Variants in CHLSN observed in about 807,000 individuals in gnomAD.
The protein encoded by CHLSN is protein cholesin.
chr7:1,136,411 C>CAT, the CHLSN span, among the ~76,000 whole-genome samples: 10 of 31,000 alleles, frequency 3.2e-4, no homozygotes, highest in Non-Finnish European at 1.2e-4. Flanking sequence ...TATATATAAA[C>CAT]ATATATATAA....
the CHLSN span, among the ~76,000 whole-genome samples, chr7:1,035,045 T>C: frequency 6.6e-6 from 1 of 152,274 alleles, no homozygotes; most frequent in Non-Finnish European, 1.5e-5. Context: ...AATCTGCCAT[T>C]GGTGGCATTT....
chr7:1,016,707 GC>G, the CHLSN span, among the ~76,000 whole-genome samples: 2 of 45,208 alleles, frequency 4.4e-5, no homozygotes, highest in Admixed American at 2.4e-4. Context: ...GCCAGCACAC[GC>G]CAGCGCACAG....
chr7:1,107,683 G>A, the CHLSN span, among the ~76,000 whole-genome samples: 1 of 152,248 alleles, frequency 6.6e-6, no homozygotes, highest in South Asian at 2.1e-4. Context: ...CGTACAGTCT[G>A]CAAGTTCTTC....
At chr7:1,075,668 A>G in the CHLSN span, among the ~76,000 whole-genome samples, 2 of 145,506 alleles carry the variant, frequency 1.4e-5, no homozygotes, top group African/African-American at 2.6e-5. Context: ...GCTGGAGTGC[A>G]GTGGCGCAAT....
At chr7:1,062,094 C>A in the CHLSN span, among the ~76,000 whole-genome samples, 1 of 152,232 alleles carries the variant, frequency 6.6e-6, no homozygotes, top group African/African-American at 2.4e-5. Flanking sequence ...TTGCTACCAA[C>A]ACTTCTTGAC....
chr7:1,022,977 A>G, the CHLSN span: 1 of 472,334 alleles, frequency 2.1e-6, no homozygotes. Flanking sequence ...CGAGGCGCTC[A>G]CAGGCAGGCA....
the CHLSN span, among the ~76,000 whole-genome samples, chr7:1,036,023 C>T: frequency 7.2e-5 from 11 of 152,146 alleles, no homozygotes; most frequent in Admixed American, 2.6e-4. Context: ...AAAGGCTGCA[C>T]GCTGTGGGGT....
the CHLSN span, chr7:1,092,016 G>A: frequency 2.5e-6 from 4 of 1,614,014 alleles, no homozygotes; most frequent in South Asian, 4.4e-5. Context: ...TCCCCGACCT[G>A]TACTTCATCA....
the CHLSN span, among the ~76,000 whole-genome samples, chr7:1,085,794 C>T: frequency 6.6e-6 from 1 of 151,510 alleles, no homozygotes; most frequent in Non-Finnish European, 1.5e-5. Context: ...GATCAGGCCA[C>T]TGCACACTGG....
chr7:1,113,945 C>G, the CHLSN span, among the ~76,000 whole-genome samples: 1 of 152,214 alleles, frequency 6.6e-6, no homozygotes, highest in Non-Finnish European at 1.5e-5. Context: ...GGCCCGAGCT[C>G]AGAAAGAAGT....
the CHLSN span, chr7:984,317 TC>T: frequency 3.7e-5 from 55 of 1,467,234 alleles, no homozygotes; most frequent in Non-Finnish European, 4.8e-5. Flanking sequence ...TTTCCCTCTG[TC>T]CCCACCCCTA....
At chr7:1,054,119 A>G in the CHLSN span, among the ~76,000 whole-genome samples, 1 of 152,218 alleles carries the variant, frequency 6.6e-6, no homozygotes, top group Non-Finnish European at 1.5e-5. Context: ...AACGTCCCCC[A>G]GAGCCCACGG....
At chr7:1,050,434 AGGATCCT>A in the CHLSN span, among the ~76,000 whole-genome samples, 1 of 152,236 alleles carries the variant, frequency 6.6e-6, no homozygotes, top group Non-Finnish European at 1.5e-5. Context: ...AAGCCAACCA[AGGATCCT>A]GTCCCATCGG....
the CHLSN span, among the ~76,000 whole-genome samples, chr7:1,014,485 G>T: frequency 6.6e-6 from 1 of 152,240 alleles, no homozygotes; most frequent in African/African-American, 2.4e-5. Context: ...GCTCCCCAGC[G>T]TGAGGCTTCG....
the CHLSN span, among the ~76,000 whole-genome samples, chr7:1,016,889 C>CCAGCGTACAG: frequency 3.4e-5 from 3 of 89,484 alleles, no homozygotes; most frequent in Non-Finnish European, 2.2e-5. Context: ...GCAGCACACA[C>CCAGCGTACAG]CAGCGCACAG....
the CHLSN span, chr7:1,092,671 T>G: frequency 2.5e-6 from 4 of 1,613,094 alleles, no homozygotes; most frequent in Non-Finnish European, 3.4e-6. Flanking sequence ...CGCCGCCTTC[T>G]CCAACAGCTG....
the CHLSN span, among the ~76,000 whole-genome samples, chr7:1,101,295 G>C: frequency 6.6e-6 from 1 of 152,240 alleles, no homozygotes; most frequent in South Asian, 2.1e-4. Flanking sequence ...CAGAACAAAC[G>C]CCCTGGACGC....
chr7:1,095,427 G>A, the CHLSN span, among the ~76,000 whole-genome samples: 1 of 152,094 alleles, frequency 6.6e-6, no homozygotes, highest in Non-Finnish European at 1.5e-5. Context: ...TGTTGCTGAT[G>A]GGGAAAAACC....
chr7:1,041,281 C>G, the CHLSN span, among the ~76,000 whole-genome samples: 769 of 89,998 alleles, frequency 8.5e-3, 21 homozygotes, highest in African/African-American at 0.018. Flanking sequence ...GGGACCTGGG[C>G]TCCGCGCTGC....
Sources: gnomAD v4.1 joint callset for allele counts (sites outside exome capture counted in the v4.1 genomes callset) on GRCh38, gnomAD v4.1.1 for gene constraint, MANE v1.5 for transcripts, NCBI Gene and HGNC (gene_info 2026-07-23, HGNC 2026-07-21) for gene names.